The following GLIS3 variants were observed in gnomAD, a reference collection of about 807,000 sequenced individuals.
GLIS3 encodes the protein GLIS family zinc finger 3, also known as zinc finger protein GLIS3.
In GLIS3, 53 loss-of-function variants were observed where a neutral mutation model predicts 78.6. The observed-to-expected ratio is 0.67, with a 90% CI of 0.54 to 0.85. The LOEUF (loss-of-function observed/expected upper bound fraction) is 0.85, where lower values mean the gene tolerates loss of function less well. Among genes scored for constraint, GLIS3 ranks in the 40% least tolerant of loss-of-function variants. The pLI is 0.00. For missense variants in GLIS3, 1,703 were observed against 1,231.1 expected (o/e 1.38, Z -5.74); for synonymous variants, 684 against 509.9 (o/e 1.34, Z -4.60).
At chr9:4,442,084 CT>C in the GLIS3 span, among the ~76,000 whole-genome samples, 1 of 152,114 alleles carries the variant, frequency 6.6e-6, no homozygotes, top group South Asian at 2.1e-4. Context: ...AAGTTCCAGG[CT>C]TTTCTTAGAT....
the GLIS3 span, among the ~76,000 whole-genome samples, chr9:4,417,079 C>T: frequency 6.6e-6 from 1 of 152,072 alleles, no homozygotes; most frequent in African/African-American, 2.4e-5. Flanking sequence ...TAGAGTTTAT[C>T]ACTGGAGACA....
rs981264125 is a variant in GLIS3 at position 3,983,106 on chromosome 9, G to C, written c.1711-45917C>G. ...CCATAACTCCAATGTGTCAGGAGAGGAACATGGTGAGAGGTGACTGAATTA... is the reference window on the plus strand; with the variant it reads ...CCATAACTCCAATGTGTCAGGAGAGCAACATGGTGAGAGGTGACTGAATTA... On this transcript the variant is annotated intron_variant, in intron 4 of 10. Transcript: ENST00000381971. 2.0e-5 allele frequency among the ~76,000 whole-genome samples: 3 copies of C among 152,178 alleles called. No homozygotes were observed. The East Asian group carries it at 5.8e-4, about 29-fold the overall frequency.
chr9:3,971,295 A>C lies in GLIS3; in HGVS notation c.1711-34106T>G, dbSNP rs189829550. Among the ~76,000 whole-genome samples, 169 of 152,264 alleles carry C rather than the reference A, an allele frequency of 1.1e-3. 1 individual carries two copies. Among genetic ancestry groups the C allele is most frequent in the Non-Finnish European group, 2.0e-3 (138 of 68,012 alleles). ...TTTCTGCCTATGTCACATCAGAAGG[A>C]GCTTGAGGCTGAATTCTATTTTATG... On this transcript the variant is annotated intron_variant, in intron 4 of 10. Transcript: ENST00000381971.
intron 4 of GLIS3, among the ~76,000 whole-genome samples, chr9:4,067,667 C>T (rs568589937): frequency 1.3e-5 from 2 of 152,046 alleles, no homozygotes; most frequent in South Asian, 2.1e-4. Flanking sequence ...AGGGGGAACT[C>T]CAAAGACAGT....
intron 9 of GLIS3, among the ~76,000 whole-genome samples, chr9:3,844,603 C>T (rs1422188360): frequency 6.6e-6 from 1 of 152,108 alleles, no homozygotes; most frequent in African/African-American, 2.4e-5. Context: ...TCATGATGGT[C>T]AATGATATAA....
chr9:4,308,074 T>C (rs1243249773), intron 4 of GLIS3, among the ~76,000 whole-genome samples: 1 of 152,150 alleles, frequency 6.6e-6, no homozygotes, highest in Non-Finnish European at 1.5e-5. Context: ...TTACAGTATT[T>C]AATGCTCTTG....
intron 2 of GLIS3, among the ~76,000 whole-genome samples, chr9:4,165,691 T>C (rs61423212): frequency 6.6e-6 from 1 of 152,082 alleles, no homozygotes; most frequent in Non-Finnish European, 1.5e-5. Context: ...TTGAACAAGT[T>C]GAGTATGATG....
chr9:4,183,685 C>A (rs187236070), intron 2 of GLIS3, among the ~76,000 whole-genome samples: 1 of 152,168 alleles, frequency 6.6e-6, no homozygotes, highest in Non-Finnish European at 1.5e-5. Context: ...TTAAGTACAT[C>A]TTACAAAATT....
chr9:4,421,206 C>T, the GLIS3 span, among the ~76,000 whole-genome samples: 4 of 152,212 alleles, frequency 2.6e-5, no homozygotes, highest in Non-Finnish European at 4.4e-5. Context: ...TAATCTCTGT[C>T]ATATGACAGG....
At chr9:4,055,655 G>A (rs866437916) in intron 4 of GLIS3, among the ~76,000 whole-genome samples, 2 of 152,190 alleles carry the variant, frequency 1.3e-5, no homozygotes, top group Admixed American at 6.5e-5. Flanking sequence ...CAGAGGAAAC[G>A]AGGAATGATG....
At chr9:4,213,825 T>A (rs185815089) in intron 2 of GLIS3, among the ~76,000 whole-genome samples, 29 of 152,022 alleles carry the variant, frequency 1.9e-4, no homozygotes, top group Admixed American at 5.9e-4. Context: ...CAAGCATCTA[T>A]AATGGGCCTA....
chr9:4,072,451 G>C (rs1245872718), intron 4 of GLIS3, among the ~76,000 whole-genome samples: 1 of 152,198 alleles, frequency 6.6e-6, no homozygotes, highest in African/African-American at 2.4e-5. Context: ...AATGGAATCA[G>C]CATGTCTTTA....
intron 2 of GLIS3, among the ~76,000 whole-genome samples, chr9:4,131,926 C>G (rs62521757): frequency 0.35 from 52,997 of 151,734 alleles, 9,605 homozygotes; most frequent in Non-Finnish European, 0.39. Context: ...TTGCTCCATT[C>G]TCTTTCTAAA....
At chr9:4,468,131 G>A in the GLIS3 span, among the ~76,000 whole-genome samples, 9 of 152,134 alleles carry the variant, frequency 5.9e-5, no homozygotes, top group African/African-American at 1.9e-4. Context: ...AAGAAATATG[G>A]GACTATGTGA....
At chr9:4,328,550 A>T (rs10974469) in intron 2 of GLIS3, among the ~76,000 whole-genome samples, 5 of 152,026 alleles carry the variant, frequency 3.3e-5, no homozygotes, top group South Asian at 4.1e-4. Flanking sequence ...GGAAATCTAG[A>T]GGGGCCAAGC....
intron 2 of GLIS3, among the ~76,000 whole-genome samples, chr9:4,150,347 A>AT (rs1414611293): frequency 6.6e-6 from 1 of 152,210 alleles, no homozygotes; most frequent in East Asian, 1.9e-4. Flanking sequence ...AAATATTCAC[A>AT]TAAGGAGGAG....
Position 4,118,754 on chromosome 9 carries a change from A to T in GLIS3, c.724T>A (p.Ser242Thr). ...RALPSLSNHG[S>T]QNGLDLGDLL... ...TCCCCTAGATCAAGGCCATTCTGAG[A>T]GCCGTGGTTGGAGAGCGAAGGGAGG... The change falls in exon 4 of 11, where the codon TCT (serine) becomes ACT (threonine). Residue 242 changes from serine to threonine, a missense_variant. Transcript: ENST00000381971. The surrounding 1 kb of genome is among the most constrained non-coding windows in gnomAD (Gnocchi z 4.7). The T allele has an allele frequency of 6.2e-7, 1 of 1,613,884 alleles. No homozygotes were observed. Among genetic ancestry groups the T allele is most frequent in the Non-Finnish European group, 8.5e-7 (1 of 1,180,018 alleles).
At chr9:4,199,157 A>T (rs1471685455) in intron 2 of GLIS3, among the ~76,000 whole-genome samples, 2 of 152,184 alleles carry the variant, frequency 1.3e-5, no homozygotes, top group Non-Finnish European at 2.9e-5. Context: ...CACCCAATAG[A>T]AACTACAAAG....
chr9:4,231,512 T>A (rs975662419), intron 2 of GLIS3, among the ~76,000 whole-genome samples: 1 of 152,062 alleles, frequency 6.6e-6, no homozygotes, highest in Non-Finnish European at 1.5e-5. Context: ...AGAGAAAAAG[T>A]CCTTAGATAG....
Sources: allele counts gnomAD v4.1 joint callset (sites outside exome capture counted in the v4.1 genomes callset), GRCh38; gene constraint gnomAD v4.1.1; non-coding constraint Gnocchi (gnomAD v3.1); transcripts MANE v1.5; gene names NCBI Gene and HGNC (gene_info 2026-07-23, HGNC 2026-07-21).